The following THEMIS variants were observed in gnomAD, a reference collection of about 807,000 sequenced individuals.
The protein encoded by THEMIS is thymocyte selection associated.
In THEMIS, 37 loss-of-function variants were observed where a neutral mutation model predicts 52.6. The observed-to-expected ratio is 0.70, with a 90% CI of 0.54 to 0.93. The LOEUF (loss-of-function observed/expected upper bound fraction) is 0.93. Ranked by LOEUF, THEMIS falls within the 40% of genes least tolerant of loss-of-function variation. The probability of loss-of-function intolerance (pLI) is 0.00; values close to 1 mark genes in which losing one functional copy is unlikely to be tolerated. For missense variants in THEMIS, 808 were observed against 763.1 expected, an observed-to-expected ratio of 1.06 and a Z score of -0.69; for synonymous variants, 292 against 272.7, an observed-to-expected ratio of 1.07 and a Z score of -0.70.
Position 127,829,685 on chromosome 6 carries a change from A to G in THEMIS, c.500T>C (p.Leu167Ser). 1 of 1,614,106 alleles carries G rather than the reference A, an allele frequency of 6.2e-7. No individual in the cohort carries two copies. Among genetic ancestry groups the G allele is most frequent in the Non-Finnish European group, 8.5e-7 (1 of 1,180,004 alleles). Reference protein sequence around the residue: ...NHQTHSFNLPLSQEGEFYECE... With the variant: ...NHQTHSFNLPSSQEGEFYECE... ...CTCGTAGAATTCTCCTTCTTGTGAC[A>G]AAGGCAAATTAAATGAGTGAGTTTG... The change falls in exon 3 of 6, where the codon TTG (leucine) becomes TCG (serine). Residue 167 changes from leucine (L) to serine (S), a missense_variant. Leu to Ser is a moderately radical substitution (Grantham distance 145). Coordinates refer to ENST00000368248, the MANE Select transcript of THEMIS (RefSeq NM_001010923.3).
chr6:127,878,927 G>C (rs1024495989), intron 1 of THEMIS, among the ~76,000 whole-genome samples: 2 of 152,142 alleles, frequency 1.3e-5, no homozygotes, highest in Non-Finnish European at 2.9e-5. Flanking sequence ...AATTTCCACT[G>C]TCAGGTTTTT....
chr6:127,701,704 AT>A, the THEMIS span, among the ~76,000 whole-genome samples: 7 of 151,980 alleles, frequency 4.6e-5, no homozygotes, highest in South Asian at 2.1e-4. Flanking sequence ...CAAAACGTTC[AT>A]TTTTTGAAAA....
intron 4 of THEMIS, among the ~76,000 whole-genome samples, chr6:127,800,871 G>A (rs1025720738): frequency 3.3e-5 from 5 of 152,096 alleles, no homozygotes; most frequent in African/African-American, 1.2e-4. Context: ...GGCCTATTGT[G>A]GGACCTATAT....
rs1328986444 is a variant in THEMIS, at chr6:127,729,797, T to C, written c.1759-9974A>G. On this transcript the variant is annotated intron_variant, in intron 4 of 5. Transcript: ENST00000368248. ...TTAAGTTCATTCGAGTAATGAGTTTTCATGGCTGTCACCACTGAAAATGAA... is the reference window on the plus strand; with the variant it reads ...TTAAGTTCATTCGAGTAATGAGTTTCCATGGCTGTCACCACTGAAAATGAA... Among the ~76,000 whole-genome samples, 5 of 152,214 alleles carry C rather than the reference T, an allele frequency of 3.3e-5. No homozygotes were observed. The East Asian group carries it at 9.6e-4, about 29-fold the overall frequency.
intron 4 of THEMIS, among the ~76,000 whole-genome samples, chr6:127,770,026 T>G (rs1295702585): frequency 6.6e-6 from 1 of 152,252 alleles, no homozygotes; most frequent in Non-Finnish European, 1.5e-5. Context: ...CTATCATTGA[T>G]GGACATTTGA....
intron 3 of THEMIS, among the ~76,000 whole-genome samples, chr6:127,822,438 C>T (rs575897271): frequency 1.1e-4 from 16 of 152,126 alleles, no homozygotes; most frequent in South Asian, 2.1e-4. Flanking sequence ...GCCTTTTGAA[C>T]GGCTCTGTAA....
intron 1 of THEMIS, among the ~76,000 whole-genome samples, chr6:127,868,921 T>C (rs1202514922): frequency 6.6e-6 from 1 of 152,338 alleles, no homozygotes; most frequent in African/African-American, 2.4e-5. Flanking sequence ...AACAGTGCTA[T>C]GTACTACTGA....
chr6:127,772,750 C>T (rs980326450), intron 4 of THEMIS, among the ~76,000 whole-genome samples: 1 of 152,094 alleles, frequency 6.6e-6, no homozygotes, highest in African/African-American at 2.4e-5. Flanking sequence ...AAATATCTCT[C>T]AAATCCGATA....
chr6:127,834,958 C>G (rs1404389937), intron 2 of THEMIS, among the ~76,000 whole-genome samples: 1 of 152,196 alleles, frequency 6.6e-6, no homozygotes, highest in Non-Finnish European at 1.5e-5. Flanking sequence ...AAAACTTTCT[C>G]TCTCCCAGGC....
chr6:127,911,698 G>T (rs1444392206), intron 1 of THEMIS, among the ~76,000 whole-genome samples: 2 of 151,408 alleles, frequency 1.3e-5, no homozygotes, highest in Non-Finnish European at 2.9e-5. Context: ...TCCAGTTGTG[G>T]GGTTTGGGAA....
At chr6:127,698,036 A>C in the THEMIS span, among the ~76,000 whole-genome samples, 2 of 152,158 alleles carry the variant, frequency 1.3e-5, no homozygotes, top group Admixed American at 6.5e-5. Flanking sequence ...CAACTCGCCA[A>C]TTAATGATTT....
At position 127,813,868 on chromosome 6, in the gene THEMIS, G is replaced by A. The variant is rs747157324; in HGVS notation, c.773C>T (p.Ser258Phe). 2.6e-5 allele frequency: 42 copies of A among 1,609,612 alleles called. No individual in the cohort carries two copies. Among genetic ancestry groups the A allele is most frequent in the Admixed American group, 3.4e-5 (2 of 59,016 alleles). The stretch of plus-strand genomic sequence containing the variant: ...CTGAAGAAACCAGTTAGCATCGTAA[G>A]AATCAGTGATGTCTTTGACTTCGAC... Reference protein sequence around the residue: ...LDVEVKDITDSYDANWFLQLL... With the variant: ...LDVEVKDITDFYDANWFLQLL... Residue 258 changes from serine (S) to phenylalanine (F), a missense_variant, in exon 4 of 6, where the codon TCT becomes TTT. Coordinates refer to ENST00000368248, the MANE Select transcript of THEMIS (RefSeq NM_001010923.3).
intron 3 of THEMIS, among the ~76,000 whole-genome samples, chr6:127,814,355 A>T (rs1057457089): frequency 2.0e-5 from 3 of 152,242 alleles, no homozygotes; most frequent in African/African-American, 7.2e-5. Context: ...ATGAAGGTTT[A>T]TAAATTATTA....
At chr6:127,785,475 AT>A (rs1337425003) in intron 4 of THEMIS, among the ~76,000 whole-genome samples, 12 of 146,590 alleles carry the variant, frequency 8.2e-5, no homozygotes, top group African/African-American at 2.8e-4. Flanking sequence ...TAATAATAAA[AT>A]TTAAAAAAAA....
rs999860117 is a variant in THEMIS at position 127,812,980 on chromosome 6, G to T, written c.1661C>A (p.Pro554Gln). Residue 554 changes from proline to glutamine, a missense_variant, in exon 4 of 6, where the codon CCA becomes CAA. By Grantham distance (76) the Pro-to-Gln change is moderately conservative. Transcript: ENST00000368248. Reference sequence around the variant, plus strand: ...TGAGGGGTGTTTCGGAGGGCGAGGTGGGGGATGTGAGGCTGAGCTTTCATA... The same window carrying T: ...TGAGGGGTGTTTCGGAGGGCGAGGTTGGGGATGTGAGGCTGAGCTTTCATA... ...RRYESSASHP[P>Q]PRPPKHPSVE... 6.2e-7 allele frequency: 1 copy of T among 1,613,944 alleles called. No homozygotes were observed. The highest frequency in any genetic ancestry group is 1.3e-5 in the African/African-American group (1 of 74,894).
chr6:127,864,419 T>C (rs1779906518), intron 1 of THEMIS, among the ~76,000 whole-genome samples: 1 of 152,142 alleles, frequency 6.6e-6, no homozygotes, highest in Non-Finnish European at 1.5e-5. Flanking sequence ...AGGAAGGTCA[T>C]AGAATTTATG....
At chr6:127,779,664 C>T (rs1358107174) in intron 4 of THEMIS, among the ~76,000 whole-genome samples, 1 of 152,048 alleles carries the variant, frequency 6.6e-6, no homozygotes, top group Non-Finnish European at 1.5e-5. Flanking sequence ...AATTGAAGCT[C>T]AAAATTCATT....
intron 4 of THEMIS, among the ~76,000 whole-genome samples, chr6:127,773,143 G>T (rs1279510795): frequency 1.3e-5 from 2 of 152,144 alleles, no homozygotes; most frequent in African/African-American, 2.4e-5. Flanking sequence ...TAAGAGAATA[G>T]AATTATGCCC....
At chr6:127,905,926 A>G (rs1433897538), upstream of THEMIS, among the ~76,000 whole-genome samples, 2 of 150,836 alleles carry the variant, frequency 1.3e-5, no homozygotes, top group Admixed American at 1.3e-4. Flanking sequence ...AAACTCAATT[A>G]TACTCTTAAA....
Sources: allele counts gnomAD v4.1 joint callset (sites outside exome capture counted in the v4.1 genomes callset), GRCh38; gene constraint gnomAD v4.1.1; transcripts MANE v1.5; gene names NCBI Gene and HGNC (gene_info 2026-07-23, HGNC 2026-07-21).